BTG4: variants seen among roughly 807,000 people sequenced by gnomAD.
BTG4 encodes the protein protein BTG4.
In BTG4, 10 loss-of-function variants were observed where a neutral mutation model predicts 19.3. The ratio of observed to expected loss-of-function variants is 0.52; its 90% CI spans 0.32 to 0.88. The LOEUF (loss-of-function observed/expected upper bound fraction) is 0.88. Among genes scored for constraint, BTG4 ranks in the 40% least tolerant of loss-of-function variants. The pLI, the probability that BTG4 is intolerant of heterozygous loss-of-function variation, is 0.04. For synonymous variants in BTG4, 91 were observed against 95.7 expected (o/e 0.95, Z 0.29); for missense variants, 238 against 281.9 (o/e 0.84, Z 1.11).
chr11:111,458,418 C>T, the BTG4 span, among the ~76,000 whole-genome samples: 3 of 152,178 alleles, frequency 2.0e-5, no homozygotes, highest in Admixed American at 6.5e-5. Context: ...TGCTTGACTG[C>T]CTCCCTGTCT....
intron 5 of BTG4, among the ~76,000 whole-genome samples, chr11:111,482,754 A>G (rs1864817145): frequency 6.6e-6 from 1 of 152,142 alleles, no homozygotes; most frequent in Non-Finnish European, 1.5e-5. Context: ...AGGAGAAAAA[A>G]GCACTTTAAT....
the BTG4 span, among the ~76,000 whole-genome samples, chr11:111,426,886 T>G: frequency 6.6e-6 from 1 of 152,166 alleles, no homozygotes; most frequent in East Asian, 1.9e-4. Flanking sequence ...GCAGAGCATG[T>G]TTTCTGGAGC....
chr11:111,503,106 C>T (rs1339243138), intron 1 of BTG4, among the ~76,000 whole-genome samples: 2 of 152,144 alleles, frequency 1.3e-5, no homozygotes, highest in East Asian at 1.9e-4. Flanking sequence ...TTTCAAGAGG[C>T]TTATCATCTA....
chr11:111,507,246 C>T (rs984684251), intron 1 of BTG4, among the ~76,000 whole-genome samples: 3 of 152,110 alleles, frequency 2.0e-5, no homozygotes, highest in African/African-American at 4.8e-5. Flanking sequence ...TTACAGAATA[C>T]ACCCTAGAGC....
intron 5 of BTG4, among the ~76,000 whole-genome samples, chr11:111,484,850 T>C (rs979834090): frequency 1.3e-5 from 2 of 151,316 alleles, no homozygotes; most frequent in Non-Finnish European, 2.9e-5. Context: ...CTGAATGGAG[T>C]TTTTAAAACA....
At chr11:111,401,343 C>T in the BTG4 span, among the ~76,000 whole-genome samples, 1 of 46 alleles carries the variant, frequency 0.022, no homozygotes, top group African/African-American at 0.17. Context: ...ATTAGCCGGG[C>T]GTGGTGGAGG....
intron 4 of BTG4, chr11:111,496,507 G>A (rs1865740675): frequency 6.6e-6 from 1 of 152,072 alleles, no homozygotes; most frequent in South Asian, 2.1e-4. Context: ...TACAAAGGAG[G>A]CAAATGAATA....
At chr11:111,511,602 G>A (rs1328236425) in intron 1 of BTG4, among the ~76,000 whole-genome samples, 1 of 152,200 alleles carries the variant, frequency 6.6e-6, no homozygotes, top group Non-Finnish European at 1.5e-5. Context: ...ATTTCACAAG[G>A]TGAGGATAAA....
chr11:111,419,513 G>A, the BTG4 span, among the ~76,000 whole-genome samples: 45,672 of 152,248 alleles, frequency 0.3, 7,301 homozygotes, highest in South Asian at 0.51. Context: ...GTGTCAATAC[G>A]GAAGAGAGAA....
At chr11:111,424,777 G>T in the BTG4 span, among the ~76,000 whole-genome samples, 1 of 152,298 alleles carries the variant, frequency 6.6e-6, no homozygotes, top group South Asian at 2.1e-4. Flanking sequence ...GACCAATATG[G>T]TGAAACCCCG....
the BTG4 span, among the ~76,000 whole-genome samples, chr11:111,420,898 C>A: frequency 1.3e-5 from 2 of 152,106 alleles, no homozygotes; most frequent in African/African-American, 4.8e-5. Flanking sequence ...TAAGTGCTAC[C>A]AAGGACTTTG....
At position 111,497,199 on chromosome 11, in the gene BTG4, A is replaced by G. The variant is rs751823933; in HGVS notation, c.510+12T>C. 6.2e-7 allele frequency: 1 copy of G among 1,605,998 alleles called. No homozygotes were observed. The highest frequency in any genetic ancestry group is 8.5e-7 in the Non-Finnish European group (1 of 1,175,014). Reference sequence around the variant, plus strand: ...GAAAAAAAGTATAGAAAAGAACTGGAACACTCTTGACCTGATAAATACTCT... The same window carrying G: ...GAAAAAAAGTATAGAAAAGAACTGGGACACTCTTGACCTGATAAATACTCT... On this transcript the variant is annotated intron_variant, in intron 4 of 4. Transcript: ENST00000692032.
chr11:111,458,660 C>G, the BTG4 span, among the ~76,000 whole-genome samples: 1 of 152,076 alleles, frequency 6.6e-6, no homozygotes, highest in African/African-American at 2.4e-5. Context: ...CCACTTCCCA[C>G]GAATAAACGC....
chr11:111,487,169 G>A (rs573831563), intron 5 of BTG4, among the ~76,000 whole-genome samples: 30 of 152,244 alleles, frequency 2.0e-4, no homozygotes, highest in African/African-American at 7.2e-4. Flanking sequence ...TTTTATGGCT[G>A]TGTAGTATTC....
At chr11:111,491,061 A>G (rs534704875), downstream of BTG4, among the ~76,000 whole-genome samples, 10 of 152,372 alleles carry the variant, frequency 6.6e-5, no homozygotes, top group African/African-American at 2.4e-4. Flanking sequence ...TAAACTACCA[A>G]TACATGCAGC....
At chr11:111,412,700 T>G in the BTG4 span, among the ~76,000 whole-genome samples, 3 of 152,038 alleles carry the variant, frequency 2.0e-5, no homozygotes, top group Admixed American at 6.5e-5. Flanking sequence ...GAAAACAGAA[T>G]CCCAAAGAGG....
At chr11:111,466,701 T>G (rs1482779339), downstream of BTG4, 1 of 152,660 alleles carries the variant, frequency 6.6e-6, no homozygotes, top group Non-Finnish European at 1.5e-5. Context: ...ACAGAAAAGT[T>G]AGTGAAATTA....
the BTG4 span, among the ~76,000 whole-genome samples, chr11:111,428,470 C>T: frequency 2.0e-5 from 3 of 152,170 alleles, no homozygotes; most frequent in Non-Finnish European, 2.9e-5. Context: ...AGTCAGGGAC[C>T]TCTTCCTTTT....
At chr11:111,454,551 C>G in the BTG4 span, among the ~76,000 whole-genome samples, 4 of 152,116 alleles carry the variant, frequency 2.6e-5, no homozygotes, top group Non-Finnish European at 5.9e-5. Flanking sequence ...AAAATTAGAA[C>G]TGATTTCATG....
Sources: gnomAD v4.1 joint callset for allele counts (sites outside exome capture counted in the v4.1 genomes callset) on GRCh38, gnomAD v4.1.1 for gene constraint, MANE v1.5 for transcripts, NCBI Gene and HGNC (gene_info 2026-07-23, HGNC 2026-07-21) for gene names.